CA4: variants seen among roughly 807,000 people sequenced by gnomAD.
CA4 encodes the protein carbonic anhydrase 4, also known as CA-IV.
In CA4, 24 loss-of-function variants were observed where a neutral mutation model predicts 34.5. That is an observed-to-expected ratio of 0.70 (90% CI 0.50 to 0.98). The LOEUF is 0.98. Among genes scored for constraint, CA4 ranks in the 50% least tolerant of loss-of-function variants. CA4 has a pLI of 0.00. For synonymous variants in CA4, 178 were observed against 170.6 expected (o/e 1.04, Z -0.34); for missense variants, 394 against 396.7 (o/e 0.99, Z 0.06).
exon 6 of CA4, chr17:60,170,614 G>T (rs2083903834): frequency 6.6e-6 from 1 of 152,232 alleles, no homozygotes; most frequent in African/African-American, 2.4e-5. Flanking sequence ...TCTCCATCAA[G>T]AGGCCTGCAT....
rs2083714751 is a variant in CA4, at chr17:60,157,689, G to A, written c.415-1G>A. On this transcript the variant is annotated splice_acceptor_variant, in intron 4 of 7. Coordinates refer to ENST00000300900, the MANE Select transcript of CA4 (RefSeq NM_000717.5). LOFTEE classifies it high-confidence loss of function. ...CCTTTTCACCCCTCCACCCCGACCA[G>A]ATGCACATAGTACATGAGAAAGAGA... 1 of 1,613,784 alleles carries A rather than the reference G, an allele frequency of 6.2e-7. No homozygotes were observed. Among genetic ancestry groups the A allele is most frequent in the Non-Finnish European group, 8.5e-7 (1 of 1,179,642 alleles).
chr17:60,153,495 G>A (rs1038255395), intron 1 of CA4, among the ~76,000 whole-genome samples: 2 of 152,172 alleles, frequency 1.3e-5, no homozygotes, highest in African/African-American at 4.8e-5. Context: ...CTCTGTCTAT[G>A]GAGTAGCTGT....
intron 1 of CA4, among the ~76,000 whole-genome samples, chr17:60,153,257 G>A (rs1196225014): frequency 6.6e-6 from 1 of 152,178 alleles, no homozygotes; most frequent in Non-Finnish European, 1.5e-5. Flanking sequence ...AGAATTGCTT[G>A]AAACTGGGAA....
chr17:60,160,717 C>T (rs1367446814), downstream of CA4, among the ~76,000 whole-genome samples: 1 of 144,320 alleles, frequency 6.9e-6, no homozygotes, highest in African/African-American at 2.6e-5. Flanking sequence ...AACCACTGCA[C>T]TCCAACCTGG....
chr17:60,170,709 C>T (rs2083904828), exon 6 of CA4: 1 of 152,278 alleles, frequency 6.6e-6, no homozygotes, highest in Non-Finnish European at 1.5e-5. Context: ...TAACAACACA[C>T]TGCATTTGCA....
chr17:60,168,902 C>T (rs938997775), intron 5 of CA4, among the ~76,000 whole-genome samples: 3 of 152,148 alleles, frequency 2.0e-5, no homozygotes, highest in African/African-American at 2.4e-5. Context: ...CAGCGAGTGA[C>T]CTTTCACTGA....
At chr17:60,159,176 G>T in intron 7 of CA4, 54 bp from the exon 8 acceptor site, 1 of 1,503,620 alleles carries the variant, frequency 6.7e-7, no homozygotes, top group South Asian at 1.2e-5. Context: ...AGGTCACACG[G>T]CAGGGAGTGC....
At chr17:60,157,186 G>C (rs994470567) in intron 3 of CA4, among the ~76,000 whole-genome samples, 1 of 152,244 alleles carries the variant, frequency 6.6e-6, no homozygotes, top group East Asian at 1.9e-4. Flanking sequence ...CAGAGCTGCA[G>C]TTTGGGGCAG....
chr17:60,163,259 G>A (rs922891871), downstream of CA4, among the ~76,000 whole-genome samples: 2 of 152,076 alleles, frequency 1.3e-5, no homozygotes, highest in East Asian at 1.9e-4. Flanking sequence ...TCCAGGGGGC[G>A]CCTATACCGA....
At chr17:60,151,253 G>A (rs1048156954) in intron 1 of CA4, among the ~76,000 whole-genome samples, 2 of 151,976 alleles carry the variant, frequency 1.3e-5, no homozygotes, top group Admixed American at 6.6e-5. Context: ...CCCAAGTTAG[G>A]TGCTCCATCC....
At chr17:60,168,449 A>G (rs1598007409) in intron 5 of CA4, among the ~76,000 whole-genome samples, 1 of 22,018 alleles carries the variant, frequency 4.5e-5, no homozygotes, top group Non-Finnish European at 7.1e-5. Flanking sequence ...CAGGTGGGGA[A>G]GGGTGATTTC....
At chr17:60,162,564 C>A (rs1289794473), downstream of CA4, among the ~76,000 whole-genome samples, 1 of 151,818 alleles carries the variant, frequency 6.6e-6, no homozygotes, top group East Asian at 1.9e-4. Flanking sequence ...CACACACACA[C>A]ACACACACAC....
Position 60,159,274 on chromosome 17 carries a change from A to C in CA4, c.789A>C (p.Thr263=). The change falls in exon 8 of 8, where the codon ACA becomes ACC. Residue 263 remains threonine, a synonymous_variant. Coordinates refer to ENST00000300900, the MANE Select transcript of CA4 (RefSeq NM_000717.5). ...SQKLYYDKEQ[T]VSMKDNVRPL... ...AGCTGTACTACGACAAGGAACAGAC[A>C]GTGAGCATGAAGGACAATGTCAGGC... The C allele has an allele frequency of 3.1e-6, 5 of 1,609,974 alleles. No individual in the cohort carries two copies. Among genetic ancestry groups the C allele is most frequent in the Non-Finnish European group, 4.2e-6 (5 of 1,178,076 alleles).
chr17:60,167,832 G>T (rs2083870281), intron 5 of CA4, among the ~76,000 whole-genome samples: 2 of 152,126 alleles, frequency 1.3e-5, no homozygotes, highest in African/African-American at 2.4e-5. Flanking sequence ...CCATTCTGCT[G>T]CCTGGTCTGT....
At position 60,156,570 on chromosome 17, in the gene CA4, G is replaced by A; in HGVS notation, c.123G>A (p.Lys41=). ...TCTCTCCCTGCTCAGTGCCAGTCAA[G>A]TGGGGTGGAAACTGCCAGAAGGACC... The part of the protein sequence containing the change: ...SSNYPCLVPV[K]WGGNCQKDRQ... The change falls in exon 3 of 8, where the codon AAG becomes AAA. Residue 41 remains lysine, a synonymous_variant. Transcript: ENST00000300900. 6.2e-7 allele frequency: 1 copy of A among 1,614,224 alleles called. No individual in the cohort carries two copies. The highest frequency in any genetic ancestry group is 8.5e-7 in the Non-Finnish European group (1 of 1,180,028).
downstream of CA4, among the ~76,000 whole-genome samples, chr17:60,173,373 C>T (rs1249746331): frequency 6.6e-6 from 1 of 152,194 alleles, no homozygotes; most frequent in African/African-American, 2.4e-5. Context: ...CACAAACAGG[C>T]TGCACTGCCT....
chr17:60,167,021 T>C (rs1037104759), intron 5 of CA4, among the ~76,000 whole-genome samples: 1 of 152,178 alleles, frequency 6.6e-6, no homozygotes, highest in Admixed American at 6.6e-5. Flanking sequence ...GAAATTCTGA[T>C]ACTTGAGTCC....
intron 7 of CA4, chr17:60,158,695 T>C: frequency 1.8e-6 from 1 of 561,098 alleles, no homozygotes; most frequent in Admixed American, 3.0e-5. Flanking sequence ...GTTTCTATCA[T>C]GAACGAGGCT....
At chr17:60,159,036 C>T (rs1383324838) in intron 7 of CA4, 194 bp from the exon 8 acceptor site, 9 of 634,848 alleles carry the variant, frequency 1.4e-5, no homozygotes. Flanking sequence ...GGGCACTTAG[C>T]CTTCACCCAT....
Sources: allele counts gnomAD v4.1 joint callset (sites outside exome capture counted in the v4.1 genomes callset), GRCh38; gene constraint gnomAD v4.1.1; transcripts MANE v1.5; gene names NCBI Gene and HGNC (gene_info 2026-07-23, HGNC 2026-07-21).